The following IDUA variants were observed in gnomAD, a reference collection of about 807,000 sequenced individuals.
IDUA encodes the protein iduronidase alpha-L-.
Under a neutral mutation model 68.9 loss-of-function variants are expected in IDUA, and 65 were observed. The ratio of observed to expected loss-of-function variants is 0.94; its 90% CI spans 0.77 to 1.16. The LOEUF (loss-of-function observed/expected upper bound fraction) is 1.16, where lower values mean the gene tolerates loss of function less well. IDUA is among the 50% of genes most tolerant of loss of function. IDUA has a pLI of 0.00. For missense variants in IDUA, 1,046 were observed against 938.0 expected (o/e 1.12, Z -1.50); for synonymous variants, 529 against 433.6 (o/e 1.22, Z -2.73).
At chr4:998,402 G>C (rs1353765552) in intron 2 of IDUA, among the ~76,000 whole-genome samples, 2 of 152,152 alleles carry the variant, frequency 1.3e-5, no homozygotes, top group African/African-American at 4.8e-5. Context: ...TATAGGGCCA[G>C]ATTCCGGTCC....
In IDUA at chr4:989,507, C is replaced by T. The variant is rs558027930; in HGVS notation, c.299+1558C>T. The T allele has an allele frequency of 5.2e-5, 80 of 1,553,128 alleles. No individual in the cohort carries two copies. Among genetic ancestry groups the T allele is most frequent in the Admixed American group, 3.1e-4 (16 of 51,528 alleles). On this transcript the variant is annotated intron_variant, in intron 2 of 13. Transcript: ENST00000514224. ...GTGCTGACCAGCATACAGGTGGCCG[C>T]GGTGCCTGCCCAGACCAGCGCGTCA...
Position 1,004,239 on chromosome 4 carries a change from C to T in IDUA, c.1829-21C>T. The T allele has an allele frequency of 1.2e-6, 2 of 1,609,516 alleles. No homozygotes were observed. ...GGGTGGGGGCAGGTTCCGGTTGGCA[C>T]ACATGTCCCCTTGTCTCCAGACACA... On this transcript the variant is annotated intron_variant, in intron 13 of 13. Coordinates refer to ENST00000514224, the MANE Select transcript of IDUA (RefSeq NM_000203.5). This position sits in a 1 kb window ranked among gnomAD's most constrained non-coding sequence, Gnocchi z 5.0.
rs758369801 is a variant in IDUA, at chr4:989,305, G to A, written c.299+1356G>A. 7 of 1,612,052 alleles carry A rather than the reference G, an allele frequency of 4.3e-6. No individual in the cohort carries two copies. Among genetic ancestry groups the A allele is most frequent in the African/African-American group, 2.7e-5 (2 of 74,904 alleles). On this transcript the variant is annotated intron_variant, in intron 2 of 13. Transcript: ENST00000514224. ...GAAGTCCTTGTTGGCATAGTACAGC[G>A]GCCCCCCAAAGCGGAACACCCGCAC...
At chr4:992,549 TG>T (rs1714449114) in intron 2 of IDUA, among the ~76,000 whole-genome samples, 1 of 152,208 alleles carries the variant, frequency 6.6e-6, no homozygotes, top group South Asian at 2.1e-4. Context: ...GGAGGGTGAC[TG>T]GCGTCTGTCT....
intron 2 of IDUA, among the ~76,000 whole-genome samples, chr4:998,050 T>C (rs1042274575): frequency 6.6e-6 from 1 of 152,134 alleles, no homozygotes; most frequent in African/African-American, 2.4e-5. Context: ...ATGCACCTTC[T>C]GGGCATTTAA....
chr4:1,003,690 TCAC>T, intron 12 of IDUA, 65 bp downstream of exon 12: 1 of 1,567,880 alleles, frequency 6.4e-7, no homozygotes, highest in Non-Finnish European at 8.8e-7. Flanking sequence ...CCCGACCCCT[TCAC>T]CCATGCGGTC....
chr4:1,001,651 G>T, intron 5 of IDUA, 28 bp from the exon 6 acceptor site: 6 of 1,605,448 alleles, frequency 3.7e-6, no homozygotes, highest in Non-Finnish European at 5.1e-6. Context: ...CCCAGGGCAG[G>T]TGTAGACGCA....
chr4:987,611 G>A lies in IDUA; in HGVS notation c.159-198G>A, dbSNP rs568072069. On this transcript the variant is annotated intron_variant, in intron 1 of 13. Coordinates refer to ENST00000514224, the MANE Select transcript of IDUA (RefSeq NM_000203.5). ...GGGCCAGGGCTGGCGTTGGCCCCTC[G>A]TCTTACTGCTGCTGCCGTTCCCCAT... The A allele has an allele frequency of 7.6e-5, 109 of 1,436,236 alleles. 2 individuals carry two copies. The South Asian group carries it at 1.4e-3, about 18-fold the overall frequency. The allele number at this position is 1,436,236 out of a possible 1,614,324, so 89.0% of individuals were successfully genotyped here.
At chr4:995,814 G>A (rs965458814) in intron 2 of IDUA, among the ~76,000 whole-genome samples, 1 of 152,252 alleles carries the variant, frequency 6.6e-6, no homozygotes, top group Non-Finnish European at 1.5e-5. Flanking sequence ...GGTGAGCCCA[G>A]GGAAGACTGG....
Position 991,392 on chromosome 4 carries a change from CGT to C in IDUA, c.299+3444_299+3445del, listed in dbSNP as rs758100654. ...AGTAGATGAGGTTGGCGAAGAAGGACGTATAGAGGCTGTAGATGGGCTGCAGC... is the reference window on the plus strand; with the variant it reads ...AGTAGATGAGGTTGGCGAAGAAGGACATAGAGGCTGTAGATGGGCTGCAGC... On this transcript the variant is annotated intron_variant, in intron 2 of 13. Coordinates refer to ENST00000514224, the MANE Select transcript of IDUA (RefSeq NM_000203.5). 4 of 1,612,818 alleles carry C rather than the reference CGT, an allele frequency of 2.5e-6. No homozygotes were observed. In the African/African-American group the frequency reaches 5.3e-5, roughly 21 times the overall value.
At chr4:988,818 G>A in intron 2 of IDUA, 1 of 1,555,838 alleles carries the variant, frequency 6.4e-7, no homozygotes, top group Non-Finnish European at 8.7e-7. Flanking sequence ...AGGCTGCTGG[G>A]CAGGCCTGGC....
intron 2 of IDUA, among the ~76,000 whole-genome samples, chr4:995,392 C>G (rs986589407): frequency 2.0e-5 from 3 of 152,176 alleles, no homozygotes; most frequent in Non-Finnish European, 4.4e-5. Context: ...CTCAGGTCCC[C>G]CCGACTTTGA....
At chr4:989,004 C>G (rs1327298561) in intron 2 of IDUA, 1 of 1,590,626 alleles carries the variant, frequency 6.3e-7, no homozygotes, top group Admixed American at 1.8e-5. Flanking sequence ...AGCAGGCTAG[C>G]AGCAGGCTGA....
chr4:1,002,403 C>G lies in IDUA; in HGVS notation c.1107C>G (p.Phe369Leu). Reference sequence around the variant, plus strand: ...CGCAGCGCACGCTCACCGCGCGCTTCCAGGTCAACAACACCCGCCCGCCGC... The same window carrying G: ...CGCAGCGCACGCTCACCGCGCGCTTGCAGGTCAACAACACCCGCCCGCCGC... ...PFAQRTLTAR[F>L]QVNNTRPPHV... The change falls in exon 8 of 14, where the codon TTC (phenylalanine) becomes TTG (leucine). Residue 369 changes from phenylalanine (F) to leucine (L), a missense_variant. Physicochemically the swap from Phe to Leu is conservative, Grantham distance 22. Coordinates refer to ENST00000514224, the MANE Select transcript of IDUA (RefSeq NM_000203.5). The G allele has an allele frequency of 6.3e-7, 1 of 1,598,046 alleles. No homozygotes were observed. The highest frequency in any genetic ancestry group is 8.5e-7 in the Non-Finnish European group (1 of 1,173,360).
At chr4:990,549 C>T (rs1056148701) in intron 2 of IDUA, 8 of 611,620 alleles carry the variant, frequency 1.3e-5, no homozygotes, top group East Asian at 2.8e-5. Flanking sequence ...GTGCTCATGC[C>T]CGCAGACAAC....
chr4:1,003,048 T>A lies in IDUA; in HGVS notation c.1415T>A (p.Val472Asp). ...TCAGGCCCCGCAGGCCTGGTCTACG[T>A]CACGCGCTACCTGGACAACGGGCTC... ...GVPPGPGLVYVTRYLDNGLCS... is the reference protein window; with the variant it reads ...GVPPGPGLVYDTRYLDNGLCS... Residue 472 changes from valine (V) to aspartate (D), a missense_variant, in exon 10 of 14, where the codon GTC becomes GAC. Physicochemically the swap from Val to Asp is radical, Grantham distance 152. Coordinates refer to ENST00000514224, the MANE Select transcript of IDUA (RefSeq NM_000203.5). 6.6e-7 allele frequency: 1 copy of A among 1,512,340 alleles called. No homozygotes were observed. Among genetic ancestry groups the A allele is most frequent in the South Asian group, 1.2e-5 (1 of 80,440 alleles). The allele number at this position is 1,512,340 out of a possible 1,614,324, so 93.7% of individuals were successfully genotyped here.
At chr4:1,003,297 C>T (rs1350422502) in intron 10 of IDUA, 48 bp from the exon 11 acceptor site, 2 of 1,389,294 alleles carry the variant, frequency 1.4e-6, no homozygotes, top group East Asian at 3.1e-5. Flanking sequence ...TCGGGCCGAG[C>T]GTCCCCAGCT....
intron 2 of IDUA, among the ~76,000 whole-genome samples, chr4:997,494 G>T (rs1471147283): frequency 6.6e-6 from 1 of 151,458 alleles, no homozygotes; most frequent in East Asian, 1.9e-4. Context: ...CGGGCCCAGG[G>T]GCGGGGACGT....
intron 1 of IDUA, 135 bp from the exon 2 acceptor site, chr4:987,674 C>T: frequency 6.7e-7 from 1 of 1,493,604 alleles, no homozygotes; most frequent in East Asian, 2.5e-5. Flanking sequence ...CCCTAAGGGT[C>T]ATTTTATTAG....
Sources: gnomAD v4.1 joint callset for allele counts (sites outside exome capture counted in the v4.1 genomes callset) on GRCh38, gnomAD v4.1.1 for gene constraint, Gnocchi (gnomAD v3.1) non-coding constraint, MANE v1.5 for transcripts, NCBI Gene and HGNC (gene_info 2026-07-23, HGNC 2026-07-21) for gene names.